The following FAM135A variants were observed in gnomAD, a reference collection of about 807,000 sequenced individuals.
The protein encoded by FAM135A is protein FAM135A.
Under a neutral mutation model 146.8 loss-of-function variants are expected in FAM135A, and 79 were observed. The ratio of observed to expected loss-of-function variants is 0.54; its 90% CI spans 0.45 to 0.65. The LOEUF (loss-of-function observed/expected upper bound fraction) is 0.65, where lower values mean the gene tolerates loss of function less well. FAM135A is among the 30% of genes least tolerant of loss of function. The pLI, the probability that FAM135A is intolerant of heterozygous loss-of-function variation, is 0.00. For synonymous variants in FAM135A, 562 were observed against 603.6 expected, an observed-to-expected ratio of 0.93 and a Z score of 1.01; for missense variants, 1,623 against 1,758.2, an observed-to-expected ratio of 0.92 and a Z score of 1.38.
At position 70,442,238 on chromosome 6, in the gene FAM135A, G is replaced by GTTTT. The variant is rs147268217; in HGVS notation, c.78-10254_78-10253insTTTT. ...CATAAATATTTAAAATTTCTTCATG[G>GTTTT]GTTTTTTTTTTTTTTTTTTGCCGAG... On this transcript the variant is annotated intron_variant, in intron 4 of 21. Coordinates refer to ENST00000418814, the MANE Select transcript of FAM135A (RefSeq NM_001162529.3). Among the ~76,000 whole-genome samples, 255 of 136,352 alleles carry GTTTT rather than the reference G, an allele frequency of 1.9e-3. 11 individuals carry two copies. Among genetic ancestry groups the GTTTT allele is most frequent in the African/African-American group, 5.5e-3 (197 of 35,558 alleles). The allele number at this position is 136,352 out of a possible 152,430, so 89.5% of individuals were successfully genotyped here.
intron 2 of FAM135A, among the ~76,000 whole-genome samples, chr6:70,425,405 A>G (rs1769841049): frequency 6.6e-6 from 1 of 152,206 alleles, no homozygotes; most frequent in Admixed American, 6.5e-5. Flanking sequence ...AATGGGGAAT[A>G]TCTTATATAA....
intron 5 of FAM135A, among the ~76,000 whole-genome samples, chr6:70,456,838 C>T (rs527363553): frequency 1.5e-4 from 23 of 152,238 alleles, no homozygotes; most frequent in African/African-American, 4.8e-4. Flanking sequence ...AACAGTAACC[C>T]CTGATTACTC....
At chr6:70,449,107 C>A (rs116639907) in intron 4 of FAM135A, among the ~76,000 whole-genome samples, 2,993 of 152,300 alleles carry the variant, frequency 0.02, 102 homozygotes, top group African/African-American at 0.068. Context: ...TACATTCTAA[C>A]AGAGAAGTGG....
Position 70,560,644 on chromosome 6 carries a change from C to G in FAM135A, c.*723C>G, listed in dbSNP as rs1200333018. On this transcript the variant is annotated 3_prime_UTR_variant, in exon 22 of 22. Transcript: ENST00000418814. ...AAAGATTTTTGAATGTTTGAATGCCCTCTGCCTTGATTTGGTTGGAATTTT... is the reference window on the plus strand; with the variant it reads ...AAAGATTTTTGAATGTTTGAATGCCGTCTGCCTTGATTTGGTTGGAATTTT... 1 of 152,488 alleles carries G rather than the reference C, an allele frequency of 6.6e-6. No individual in the cohort carries two copies. Among genetic ancestry groups the G allele is most frequent in the Non-Finnish European group, 1.5e-5 (1 of 67,974 alleles). The allele number at this position is 152,488 out of a possible 1,614,324, so 9.4% of individuals were successfully genotyped here.
At chr6:70,452,384 A>G in intron 4 of FAM135A, 108 bp from the exon 5 acceptor site, 1 of 770,518 alleles carries the variant, frequency 1.3e-6, no homozygotes, top group Non-Finnish European at 2.1e-6. Context: ...GGAGACTGAT[A>G]TAATTAGGCC....
At chr6:70,538,725 C>T (rs879227230) in intron 20 of FAM135A, among the ~76,000 whole-genome samples, 1 of 150,996 alleles carries the variant, frequency 6.6e-6, no homozygotes, top group African/African-American at 2.4e-5. Context: ...GTCCTATCCC[C>T]GCTGTTCTAG....
Position 70,525,953 on chromosome 6 carries a change from TCTA to T in FAM135A, c.2870_2872del (p.Ser957_Asn958delinsTyr). 1 of 1,613,422 alleles carries T rather than the reference TCTA, an allele frequency of 6.2e-7. No homozygotes were observed. The highest frequency in any genetic ancestry group is 8.5e-7 in the Non-Finnish European group (1 of 1,179,618). On this transcript the variant is annotated inframe_deletion, in exon 15 of 22. Coordinates refer to ENST00000418814, the MANE Select transcript of FAM135A (RefSeq NM_001162529.3). Reference sequence around the variant, plus strand: ...TAAAGGCTTCCAGAGTCCTGATAAATCTAATAACTCTACAGGGACAGCAATTAC... The same window carrying T: ...TAAAGGCTTCCAGAGTCCTGATAAATATAACTCTACAGGGACAGCAATTAC...
intron 5 of FAM135A, among the ~76,000 whole-genome samples, chr6:70,467,944 T>C (rs1780796922): frequency 6.6e-6 from 1 of 152,172 alleles, no homozygotes; most frequent in Non-Finnish European, 1.5e-5. Flanking sequence ...GTCCTTCTGA[T>C]ATTTGATAGG....
At chr6:70,540,396 C>T (rs543386992) in intron 20 of FAM135A, among the ~76,000 whole-genome samples, 3 of 142,630 alleles carry the variant, frequency 2.1e-5, no homozygotes, top group African/African-American at 7.9e-5. Flanking sequence ...ACGATCTCGG[C>T]TCGCTGCAAG....
chr6:70,413,808 T>G, intron 1 of FAM135A, 106 bp downstream of exon 1: 2 of 985,372 alleles, frequency 2.0e-6, no homozygotes, highest in South Asian at 9.4e-5. Context: ...CTCCTCTTCG[T>G]CCGCCGTTCG....
intron 4 of FAM135A, among the ~76,000 whole-genome samples, chr6:70,445,487 G>GA (rs1410199246): frequency 6.6e-6 from 1 of 152,114 alleles, no homozygotes; most frequent in African/African-American, 2.4e-5. Context: ...CCTGAACAAA[G>GA]ATTTACCCAC....
chr6:70,509,603 G>A (rs768344813), intron 12 of FAM135A, among the ~76,000 whole-genome samples: 2 of 152,108 alleles, frequency 1.3e-5, no homozygotes, highest in African/African-American at 2.4e-5. Flanking sequence ...CTTAATAAAC[G>A]TGTATAGCAG....
chr6:70,526,635 C>T lies in FAM135A; in HGVS notation c.3551C>T (p.Thr1184Ile), dbSNP rs1205727145. 1.2e-6 allele frequency: 2 copies of T among 1,610,542 alleles called. No homozygotes were observed. Among genetic ancestry groups the T allele is most frequent in the Non-Finnish European group, 1.7e-6 (2 of 1,178,930 alleles). The change falls in exon 15 of 22, where the codon ACT becomes ATT. Residue 1184 changes from threonine (T) to isoleucine (I), a missense_variant. By Grantham distance (89) the Thr-to-Ile change is moderately conservative. This residue lies in a region of FAM135A where 1,061 missense variants were observed against 1,113.8 expected (regional missense o/e 0.95). Transcript: ENST00000418814. ...GCCATTACAAAGCAGCCAAGCAGTA[C>T]TTCTTACAACTTCACTTCTTCGATT... ...FDAITKQPSS[T>I]SYNFTSSISW... is the part of the protein sequence containing the mutation.
At chr6:70,557,397 G>T (rs1337034196) in intron 21 of FAM135A, 1 of 153,630 alleles carries the variant, frequency 6.5e-6, no homozygotes, top group African/African-American at 2.4e-5. Flanking sequence ...TACAGACTTA[G>T]GTCAAGAACC....
intron 4 of FAM135A, among the ~76,000 whole-genome samples, chr6:70,440,731 G>T (rs548530270): frequency 1.1e-4 from 16 of 152,192 alleles, no homozygotes; most frequent in African/African-American, 3.4e-4. Context: ...TTGAAAAGAT[G>T]TTACCTACAA....
At chr6:70,544,769 C>T (rs1011183925) in intron 20 of FAM135A, among the ~76,000 whole-genome samples, 7 of 151,306 alleles carry the variant, frequency 4.6e-5, no homozygotes, top group African/African-American at 1.7e-4. Flanking sequence ...AGCCCACTAG[C>T]GCTAGGCACA....
chr6:70,507,882 A>T (rs1045116380), intron 12 of FAM135A, among the ~76,000 whole-genome samples: 2 of 152,126 alleles, frequency 1.3e-5, no homozygotes, highest in African/African-American at 2.4e-5. Flanking sequence ...AAAAATCTGA[A>T]ATCATCCTGA....
At chr6:70,532,804 C>G (rs938843469) in intron 16 of FAM135A, among the ~76,000 whole-genome samples, 1 of 152,070 alleles carries the variant, frequency 6.6e-6, no homozygotes. Flanking sequence ...TGGTGGGATG[C>G]ACCTGTAGTC....
chr6:70,514,111 T>G (rs1446672687), intron 12 of FAM135A, among the ~76,000 whole-genome samples: 4 of 152,044 alleles, frequency 2.6e-5, no homozygotes, highest in Non-Finnish European at 5.9e-5. Flanking sequence ...CCCATTTCTT[T>G]CCCTCCCTTC....
Sources: gnomAD v4.1 joint callset for allele counts (sites outside exome capture counted in the v4.1 genomes callset) on GRCh38, gnomAD v4.1.1 for gene constraint, gnomAD v4.1.1 regional missense constraint, MANE v1.5 for transcripts, NCBI Gene and HGNC (gene_info 2026-07-23, HGNC 2026-07-21) for gene names.